HCRTR2: variants seen among roughly 807,000 people sequenced by gnomAD.
HCRTR2 encodes orexin receptor type 2.
HCRTR2 carries 22 observed loss-of-function variants against 49.0 expected under a neutral mutation model. The ratio of observed to expected loss-of-function variants is 0.45; its 90% CI spans 0.32 to 0.64. The LOEUF (loss-of-function observed/expected upper bound fraction) is 0.64, where lower values mean the gene tolerates loss of function less well. HCRTR2 is among the 30% of genes least tolerant of loss of function. The pLI, the probability that HCRTR2 is intolerant of heterozygous loss-of-function variation, is 0.04. For missense variants in HCRTR2, 491 were observed against 559.4 expected (o/e 0.88, Z 1.23); for synonymous variants, 236 against 205.3 (o/e 1.15, Z -1.28).
chr6:55,273,463 T>C (rs955823049), intron 4 of HCRTR2, among the ~76,000 whole-genome samples: 1 of 152,040 alleles, frequency 6.6e-6, no homozygotes, highest in African/African-American at 2.4e-5. Context: ...AACTTAACTT[T>C]TTGTTCCTCC....
At chr6:55,254,857 A>G (rs945953852) in intron 2 of HCRTR2, among the ~76,000 whole-genome samples, 3 of 152,054 alleles carry the variant, frequency 2.0e-5, no homozygotes, top group Non-Finnish European at 4.4e-5. Flanking sequence ...AGAATGCCAT[A>G]TTATAAATTA....
chr6:55,215,490 T>C (rs1765771197), intron 1 of HCRTR2, among the ~76,000 whole-genome samples: 1 of 152,076 alleles, frequency 6.6e-6, no homozygotes, highest in Non-Finnish European at 1.5e-5. Flanking sequence ...TATAAAAGTA[T>C]AAAGCTCATT....
At chr6:55,122,430 A>AT (rs1234021382) in intron 1 of HCRTR2, among the ~76,000 whole-genome samples, 3 of 151,930 alleles carry the variant, frequency 2.0e-5, no homozygotes, top group Non-Finnish European at 4.4e-5. Context: ...GGATTCATTG[A>AT]TTTTTTGAAG....
At chr6:55,218,322 A>G (rs750294381) in intron 1 of HCRTR2, among the ~76,000 whole-genome samples, 1 of 152,226 alleles carries the variant, frequency 6.6e-6, no homozygotes, top group Non-Finnish European at 1.5e-5. Flanking sequence ...AATGAAACAC[A>G]AAGGAGTACA....
At chr6:55,233,310 C>T (rs1766152299) in intron 1 of HCRTR2, among the ~76,000 whole-genome samples, 1 of 151,920 alleles carries the variant, frequency 6.6e-6, no homozygotes, top group Non-Finnish European at 1.5e-5. Context: ...AGGCTGGTCT[C>T]AAACTCCTGA....
intron 1 of HCRTR2, among the ~76,000 whole-genome samples, chr6:55,155,578 G>A (rs553085467): frequency 1.4e-4 from 21 of 151,990 alleles, no homozygotes; most frequent in East Asian, 9.6e-4. Context: ...ATGAATGTGC[G>A]GTGTTTTATT....
chr6:55,257,582 A>G (rs906387082), intron 3 of HCRTR2, among the ~76,000 whole-genome samples: 1 of 146,838 alleles, frequency 6.8e-6, no homozygotes, highest in Non-Finnish European at 1.5e-5. Flanking sequence ...AAAAGATTGC[A>G]AAGTCATGGA....
intron 1 of HCRTR2, among the ~76,000 whole-genome samples, chr6:55,124,589 T>G (rs1764247789): frequency 6.6e-6 from 1 of 152,182 alleles, no homozygotes; most frequent in Non-Finnish European, 1.5e-5. Context: ...TATATTCTGT[T>G]GATTTGGGGT....
At chr6:55,175,474 C>A (rs576455521) in intron 1 of HCRTR2, among the ~76,000 whole-genome samples, 1 of 152,210 alleles carries the variant, frequency 6.6e-6, no homozygotes, top group Admixed American at 6.5e-5. Flanking sequence ...TCTCAATCAT[C>A]CATCCATCCA....
chr6:55,217,831 A>G (rs1034805697), intron 1 of HCRTR2, among the ~76,000 whole-genome samples: 1 of 152,094 alleles, frequency 6.6e-6, no homozygotes, highest in African/African-American at 2.4e-5. Flanking sequence ...GCCTTTGTCC[A>G]TTACCCATTT....
chr6:55,147,543 G>T (rs1297155588), intron 1 of HCRTR2, among the ~76,000 whole-genome samples: 1 of 152,070 alleles, frequency 6.6e-6, no homozygotes, highest in Admixed American at 6.6e-5. Context: ...ACACAGAGAG[G>T]TATTTTGGCT....
At chr6:55,174,441 A>G (rs1764998226), upstream of HCRTR2, 1 of 743,142 alleles carries the variant, frequency 1.3e-6, no homozygotes, top group South Asian at 1.4e-5. Context: ...CTCCGGAGGC[A>G]TTGGCTCAGT....
chr6:55,283,279 C>T (rs553943101), downstream of HCRTR2, among the ~76,000 whole-genome samples: 1 of 152,290 alleles, frequency 6.6e-6, no homozygotes, highest in East Asian at 1.9e-4. Flanking sequence ...GCAAACATGC[C>T]TTCAAAAGAG....
rs146610381 is a variant in HCRTR2 at position 55,268,112 on chromosome 6, A to G, written c.762+4290A>G. Among the ~76,000 whole-genome samples the G allele has an allele frequency of 2.4e-3, 367 of 152,302 alleles. 4 individuals are homozygous for G. Among genetic ancestry groups the G allele is most frequent in the African/African-American group, 8.3e-3 (344 of 41,586 alleles). On this transcript the variant is annotated intron_variant, in intron 4 of 6. Coordinates refer to ENST00000370862, the MANE Select transcript of HCRTR2 (RefSeq NM_001384272.1). ...ATTTGTTTTATACTATTGAAATTAC[A>G]TTGGCATAATCTAAGCAGCTTGTTT...
intron 1 of HCRTR2, among the ~76,000 whole-genome samples, chr6:55,214,260 G>T (rs549971866): frequency 6.1e-5 from 9 of 148,046 alleles, no homozygotes; most frequent in Admixed American, 5.0e-4. Flanking sequence ...TTTCTAGCTG[G>T]GTTTTTTGGT....
At chr6:55,120,544 T>G (rs1764182499) in intron 1 of HCRTR2, among the ~76,000 whole-genome samples, 1 of 150,930 alleles carries the variant, frequency 6.6e-6, no homozygotes, top group African/African-American at 2.5e-5. Flanking sequence ...CACTCATGAT[T>G]TGGCTCACTG....
chr6:55,171,121 G>C (rs913919254), upstream of HCRTR2, among the ~76,000 whole-genome samples: 2 of 151,990 alleles, frequency 1.3e-5, no homozygotes, highest in Non-Finnish European at 2.9e-5. Context: ...TGGGTCAAAT[G>C]GTATTTCTAG....
At chr6:55,112,152 T>C (rs763216016) in intron 1 of HCRTR2, among the ~76,000 whole-genome samples, 11 of 151,934 alleles carry the variant, frequency 7.2e-5, no homozygotes, top group Non-Finnish European at 1.5e-4. Context: ...CTTAGGGTAA[T>C]AAAAGCTATC....
intron 2 of HCRTR2, among the ~76,000 whole-genome samples, chr6:55,249,140 CT>C (rs1278309244): frequency 6.6e-6 from 1 of 152,028 alleles, no homozygotes; most frequent in Admixed American, 6.6e-5. Flanking sequence ...TTTGCGCAAA[CT>C]TTTTTGATTC....
Sources: gnomAD v4.1 joint callset for allele counts (sites outside exome capture counted in the v4.1 genomes callset) on GRCh38, gnomAD v4.1.1 for gene constraint, MANE v1.5 for transcripts, NCBI Gene and HGNC (gene_info 2026-07-23, HGNC 2026-07-21) for gene names.